The following FSIP1 variants were observed in gnomAD, a reference collection of about 807,000 sequenced individuals.
FSIP1 encodes the protein fibrous sheath interacting protein 1, also known as fibrous sheath-interacting protein 1.
In FSIP1, 65 loss-of-function variants were observed where a neutral mutation model predicts 60.9. That is an observed-to-expected ratio of 1.07 (90% CI 0.87 to 1.31). The LOEUF (loss-of-function observed/expected upper bound fraction) is 1.31. FSIP1 is among the 40% of genes most tolerant of loss of function. FSIP1 has a pLI of 0.00. For synonymous variants in FSIP1, 209 were observed against 221.2 expected (o/e 0.94, Z 0.49); for missense variants, 675 against 665.5 (o/e 1.01, Z -0.16).
At chr15:39,749,778 T>G (rs78652602) in intron 5 of FSIP1, among the ~76,000 whole-genome samples, 1 of 151,910 alleles carries the variant, frequency 6.6e-6, no homozygotes, top group East Asian at 1.9e-4. Context: ...TCTCATCACT[T>G]CTATTCAACA....
Position 39,776,404 on chromosome 15 carries a change from A to G in FSIP1, c.121T>C (p.Phe41Leu). The change falls in exon 2 of 12, where the codon TTC becomes CTC. Residue 41 changes from phenylalanine to leucine, a missense_variant. Physicochemically the swap from Phe to Leu is conservative, Grantham distance 22. Coordinates refer to ENST00000350221, the MANE Select transcript of FSIP1 (RefSeq NM_152597.5). Reference protein sequence around the residue: ...LEVLSTEPGSFKVDTASNLNS... With the variant: ...LEVLSTEPGSLKVDTASNLNS... Reference sequence around the variant, plus strand: ...CTTTTCTAAACGTAAATTACCTTGAAGGATCCTGGTTCTGTTGAGAGCACC... The same window carrying G: ...CTTTTCTAAACGTAAATTACCTTGAGGGATCCTGGTTCTGTTGAGAGCACC... 2 of 1,612,282 alleles carry G rather than the reference A, an allele frequency of 1.2e-6. No homozygotes were observed. The highest frequency in any genetic ancestry group is 2.2e-5 in the South Asian group (2 of 90,410).
At chr15:39,733,118 C>T (rs1258462416) in intron 8 of FSIP1, among the ~76,000 whole-genome samples, 1 of 152,124 alleles carries the variant, frequency 6.6e-6, no homozygotes, top group African/African-American at 2.4e-5. Context: ...GCAACTTCCA[C>T]CTCCCATGTT....
chr15:39,687,477 G>T (rs987807666), intron 10 of FSIP1, among the ~76,000 whole-genome samples: 1 of 152,082 alleles, frequency 6.6e-6, no homozygotes, highest in Non-Finnish European at 1.5e-5. Context: ...ACTGACTGAG[G>T]CAAGCGTCTA....
downstream of FSIP1, chr15:39,597,711 A>G (rs187471537): frequency 1.3e-5 from 2 of 152,360 alleles, no homozygotes; most frequent in Non-Finnish European, 1.5e-5. Flanking sequence ...CATATAAAAG[A>G]GAAATTATCC....
At chr15:39,629,306 G>T (rs1233688070) in intron 10 of FSIP1, among the ~76,000 whole-genome samples, 1 of 152,160 alleles carries the variant, frequency 6.6e-6, no homozygotes, top group Admixed American at 6.5e-5. Context: ...CCCTCGGAAG[G>T]TTTACACTTC....
intron 10 of FSIP1, among the ~76,000 whole-genome samples, chr15:39,622,002 C>A (rs1891458450): frequency 6.6e-6 from 1 of 152,184 alleles, no homozygotes; most frequent in Non-Finnish European, 1.5e-5. Context: ...TTTACAAATA[C>A]TGAACTGAAC....
At chr15:39,676,482 T>C (rs748289374) in intron 10 of FSIP1, among the ~76,000 whole-genome samples, 1 of 152,170 alleles carries the variant, frequency 6.6e-6, no homozygotes, top group Non-Finnish European at 1.5e-5. Flanking sequence ...GTGAATAGAA[T>C]AATTATTCCT....
chr15:39,683,381 C>T (rs1017769002), intron 10 of FSIP1, among the ~76,000 whole-genome samples: 3 of 151,862 alleles, frequency 2.0e-5, no homozygotes, highest in Non-Finnish European at 4.4e-5. Context: ...ATTCAACATA[C>T]ATTCATGATT....
chr15:39,662,156 G>C lies in FSIP1; in HGVS notation c.1189-43911C>G, dbSNP rs532525076. On this transcript the variant is annotated intron_variant, in intron 10 of 11. Transcript: ENST00000350221. ...CTCTCTTTCTGGCTATAGTTGGAGT[G>C]GGGGAAAGGGCTGTGAGGAGGGGAG... Among the ~76,000 whole-genome samples the C allele has an allele frequency of 1.2e-3, 181 of 152,126 alleles. 1 individual carries two copies. The highest frequency in any genetic ancestry group is 2.0e-3 in the Non-Finnish European group (137 of 67,996).
In FSIP1 at chr15:39,639,477, G is replaced by A. The variant is rs181227009; in HGVS notation, c.1189-21232C>T. On this transcript the variant is annotated intron_variant, in intron 10 of 11. Coordinates refer to ENST00000350221, the MANE Select transcript of FSIP1 (RefSeq NM_152597.5). ...AAGCAGTAACAACGAAAATGGATTC[G>A]AAGTTGGTATACAAAACTCCACAAT... Among the ~76,000 whole-genome samples the A allele has an allele frequency of 5.4e-3, 817 of 152,274 alleles. 4 individuals are homozygous for A. The highest frequency in any genetic ancestry group is 0.019 in the African/African-American group (779 of 41,556).
intron 11 of FSIP1, among the ~76,000 whole-genome samples, chr15:39,608,432 C>T (rs1223064794): frequency 6.6e-6 from 1 of 152,188 alleles, no homozygotes; most frequent in Non-Finnish European, 1.5e-5. Flanking sequence ...CTAAACCCCC[C>T]TATATATGGA....
At chr15:39,744,918 C>T (rs1896943333) in intron 5 of FSIP1, among the ~76,000 whole-genome samples, 2 of 152,084 alleles carry the variant, frequency 1.3e-5, no homozygotes, top group South Asian at 4.2e-4. Context: ...GAGCCTTCCA[C>T]CAGAGAGGAT....
At chr15:39,776,861 C>T (rs1474103507) in intron 1 of FSIP1, among the ~76,000 whole-genome samples, 1 of 152,164 alleles carries the variant, frequency 6.6e-6, no homozygotes, top group African/African-American at 2.4e-5. Context: ...CGAGGGAACA[C>T]TCAGGGGCAC....
intron 10 of FSIP1, among the ~76,000 whole-genome samples, chr15:39,636,782 T>C (rs1250567124): frequency 6.6e-6 from 1 of 152,234 alleles, no homozygotes; most frequent in East Asian, 1.9e-4. Flanking sequence ...TTTTTAACCC[T>C]GAAAGAGTTA....
chr15:39,620,088 A>T (rs1204985243), intron 10 of FSIP1, among the ~76,000 whole-genome samples: 1 of 152,244 alleles, frequency 6.6e-6, no homozygotes, highest in Non-Finnish European at 1.5e-5. Context: ...TACAAAAAAA[A>T]GGAAAAGCAG....
intron 10 of FSIP1, among the ~76,000 whole-genome samples, chr15:39,651,770 C>G (rs1417076550): frequency 6.6e-6 from 1 of 152,234 alleles, no homozygotes; most frequent in African/African-American, 2.4e-5. Flanking sequence ...TCTTTCTGCA[C>G]TGTTCTAAGT....
chr15:39,671,942 G>A (rs1048353860), intron 10 of FSIP1, among the ~76,000 whole-genome samples: 7 of 152,168 alleles, frequency 4.6e-5, no homozygotes, highest in Non-Finnish European at 1.0e-4. Context: ...CCTTCCCAAA[G>A]AGCACAGAGA....
chr15:39,739,751 TG>T lies in FSIP1; in HGVS notation c.693del (p.Lys232AsnfsTer52), dbSNP rs1896742956. The part of the protein sequence containing the change: ...TCDVERNESL[I>X]KSGKKPFSNT... The stretch of plus-strand genomic sequence containing the variant: ...TTCGAGAAAGGTTTCTTTCCTGATT[TG>T]ATCAATGACTCATTTCTTTCCACAT... On this transcript the variant is annotated frameshift_variant, in exon 7 of 12. Coordinates refer to ENST00000350221, the MANE Select transcript of FSIP1 (RefSeq NM_152597.5). LOFTEE classifies it high-confidence loss of function. The T allele has an allele frequency of 3.1e-6, 5 of 1,591,272 alleles. No homozygotes were observed. The highest frequency in any genetic ancestry group is 4.3e-6 in the Non-Finnish European group (5 of 1,172,694).
At chr15:39,771,699 G>C (rs748786742) in intron 2 of FSIP1, among the ~76,000 whole-genome samples, 4 of 152,172 alleles carry the variant, frequency 2.6e-5, no homozygotes, top group Admixed American at 2.6e-4. Flanking sequence ...AACAGACCTA[G>C]CAGAAAACGA....
Sources: gnomAD v4.1 joint callset for allele counts (sites outside exome capture counted in the v4.1 genomes callset) on GRCh38, gnomAD v4.1.1 for gene constraint, MANE v1.5 for transcripts, NCBI Gene and HGNC (gene_info 2026-07-23, HGNC 2026-07-21) for gene names.